Variants in DRAXIN observed in about 807,000 individuals in gnomAD.
DRAXIN encodes the protein dorsal inhibitory axon guidance protein, also known as dorsal repulsive axon guidance protein.
A neutral mutation model predicts 33.9 loss-of-function variants in DRAXIN; 27 were observed. The observed-to-expected ratio is 0.80, with a 90% confidence interval of 0.59 to 1.10. The LOEUF (loss-of-function observed/expected upper bound fraction) is 1.10. Ranked by LOEUF, DRAXIN falls within the 50% of genes least tolerant of loss-of-function variation. DRAXIN has a pLI of 0.00. For missense variants in DRAXIN, 371 were observed against 460.8 expected, an observed-to-expected ratio of 0.81 and a Z score of 1.78; for synonymous variants, 178 against 194.0, an observed-to-expected ratio of 0.92 and a Z score of 0.69.
rs776051992 is a variant in DRAXIN, at chr1:11,719,574, A to C, written c.938-10A>C. 1.9e-6 allele frequency: 3 copies of C among 1,605,180 alleles called. No individual in the cohort carries two copies. Among genetic ancestry groups the C allele is most frequent in the East Asian group, 2.2e-5 (1 of 44,482 alleles). ...CGCGCCTCTGACCCCCCTTGCCTCCACTCGCCCAGGGCTGCGCTGCTATGC... is the reference window on the plus strand; with the variant it reads ...CGCGCCTCTGACCCCCCTTGCCTCCCCTCGCCCAGGGCTGCGCTGCTATGC... On this transcript the variant is annotated splice_polypyrimidine_tract_variant and intron_variant, in intron 6 of 6. Coordinates refer to ENST00000294485, the MANE Select transcript of DRAXIN (RefSeq NM_198545.4).
chr1:11,714,675 CG>C (rs1337231202), intron 5 of DRAXIN, among the ~76,000 whole-genome samples: 16 of 152,242 alleles, frequency 1.1e-4, no homozygotes, highest in African/African-American at 3.9e-4. Context: ...AGAAAAGGCC[CG>C]CATTTGGGCC....
At chr1:11,715,823 CT>C (rs1285599841) in intron 6 of DRAXIN, among the ~76,000 whole-genome samples, 1 of 152,208 alleles carries the variant, frequency 6.6e-6, no homozygotes, top group African/African-American at 2.4e-5. Context: ...GCACAGAAAG[CT>C]TAATGATGCC....
Position 11,692,752 on chromosome 1 carries a change from T to C in DRAXIN, c.-11+899T>C. Among the ~76,000 whole-genome samples, 1 of 152,192 alleles carries C rather than the reference T, an allele frequency of 6.6e-6. No homozygotes were observed. Among genetic ancestry groups the C allele is most frequent in the East Asian group, 1.9e-4 (1 of 5,200 alleles). ...CCCAGCCCAGTGACACACTGGTGTC[T>C]GGAACCGGTTCAGTACTATGCATCT... On this transcript the variant is annotated intron_variant, in intron 1 of 6. Transcript: ENST00000294485. This position sits in a 1 kb window ranked among gnomAD's most constrained non-coding sequence, Gnocchi z 5.8.
chr1:11,709,606 C>T, intron 3 of DRAXIN, 141 bp downstream of exon 3: 1 of 1,082,906 alleles, frequency 9.2e-7, no homozygotes, highest in Non-Finnish European at 1.3e-6. Flanking sequence ...AGATCTCCTG[C>T]TGCCCATCCA....
At chr1:11,712,001 G>T (rs767679204) in intron 4 of DRAXIN, 36 bp downstream of exon 4, 1 of 1,582,858 alleles carries the variant, frequency 6.3e-7, no homozygotes, top group South Asian at 1.1e-5. Context: ...CCATGCCTGG[G>T]TGCCCTGCCC....
At chr1:11,717,627 A>G (rs1428676712) in intron 6 of DRAXIN, among the ~76,000 whole-genome samples, 2 of 141,350 alleles carry the variant, frequency 1.4e-5, no homozygotes, top group East Asian at 4.2e-4. Context: ...GTGCCTCTGC[A>G]CTCCAGCCTG....
intron 6 of DRAXIN, 35 bp from the exon 7 acceptor site, chr1:11,719,549 C>T (rs1178600165): frequency 1.3e-6 from 2 of 1,563,322 alleles, no homozygotes; most frequent in Non-Finnish European, 8.7e-7. Context: ...ACGGGCCCTT[C>T]GCGCCTCTGA....
Position 11,706,801 on chromosome 1 carries a change from T to C in DRAXIN, c.451+92T>C. ...AGGATGCAGGCAAGGGTCAGGGGCA[T>C]GAGGTCCAGAGGAGAGGAGGGGTCT... On this transcript the variant is annotated intron_variant, in intron 2 of 6. Coordinates refer to ENST00000294485, the MANE Select transcript of DRAXIN (RefSeq NM_198545.4). The surrounding 1 kb of genome is among the most constrained non-coding windows in gnomAD (Gnocchi z 5.5). 1 of 1,375,758 alleles carries C rather than the reference T, an allele frequency of 7.3e-7. No individual in the cohort carries two copies. The allele number at this position is 1,375,758 out of a possible 1,614,324, so 85.2% of individuals were successfully genotyped here.
chr1:11,690,669 C>A (rs902821327), upstream of DRAXIN, among the ~76,000 whole-genome samples: 1 of 152,180 alleles, frequency 6.6e-6, no homozygotes, highest in Non-Finnish European at 1.5e-5. The surrounding 1 kb of genome is among the most constrained non-coding windows in gnomAD (Gnocchi z 4.2). Context: ...CAGGTGGGAG[C>A]GCTGCTTCCC....
chr1:11,697,289 C>T (rs1381563505), intron 1 of DRAXIN, among the ~76,000 whole-genome samples: 1 of 152,182 alleles, frequency 6.6e-6, no homozygotes. Context: ...GCCTCTCACC[C>T]GGACTGTCTC....
chr1:11,691,852 A>G lies in DRAXIN; in HGVS notation c.-12A>G, dbSNP rs1641075482. 6.7e-6 allele frequency: 1 copy of G among 149,440 alleles called. No individual in the cohort carries two copies. Among genetic ancestry groups the G allele is most frequent in the Non-Finnish European group, 1.5e-5 (1 of 67,150 alleles). The allele number at this position is 149,440 out of a possible 1,614,324, so 9.3% of individuals were successfully genotyped here. On this transcript the variant is annotated splice_region_variant and 5_prime_UTR_variant, in exon 1 of 7. Coordinates refer to ENST00000294485, the MANE Select transcript of DRAXIN (RefSeq NM_198545.4). ...TCCTCCCCCTACCCGCCGGCCGGAC[A>G]GGTAAGGCACGGCCTCGGCCCGCCC...
chr1:11,689,790 C>G (rs1375660152), upstream of DRAXIN, among the ~76,000 whole-genome samples: 1 of 152,084 alleles, frequency 6.6e-6, no homozygotes, highest in East Asian at 1.9e-4. Flanking sequence ...TGAATTATTT[C>G]TTGTGCGAGA....
Position 11,709,472 on chromosome 1 carries a change from G to T in DRAXIN, c.642+7G>T. 1 of 1,610,612 alleles carries T rather than the reference G, an allele frequency of 6.2e-7. No individual in the cohort carries two copies. Among genetic ancestry groups the T allele is most frequent in the South Asian group, 1.1e-5 (1 of 90,436 alleles). On this transcript the variant is annotated splice_region_variant and intron_variant, in intron 3 of 6. Coordinates refer to ENST00000294485, the MANE Select transcript of DRAXIN (RefSeq NM_198545.4). Reference sequence around the variant, plus strand: ...CACCTCCCTGCGGCCCCAGGTAAGGGGTCCCCAAACAGCCTCGGATCTGGA... The same window carrying T: ...CACCTCCCTGCGGCCCCAGGTAAGGTGTCCCCAAACAGCCTCGGATCTGGA...
Position 11,709,355 on chromosome 1 carries a change from G to A in DRAXIN, c.532G>A (p.Glu178Lys), listed in dbSNP as rs755494459. Residue 178 changes from glutamate (E) to lysine (K), a missense_variant, in exon 3 of 7, where the codon GAG (glutamate) becomes AAG (lysine). Coordinates refer to ENST00000294485, the MANE Select transcript of DRAXIN (RefSeq NM_198545.4). ...SEAQVLDAAMEESSTSLAPTM... is the reference protein window; with the variant it reads ...SEAQVLDAAMKESSTSLAPTM... Reference sequence around the variant, plus strand: ...AGCCCAGGTGCTGGATGCAGCCATGGAGGAATCCTCCACCAGCCTGGCGCC... The same window carrying A: ...AGCCCAGGTGCTGGATGCAGCCATGAAGGAATCCTCCACCAGCCTGGCGCC... 5 of 1,613,914 alleles carry A rather than the reference G, an allele frequency of 3.1e-6. No individual in the cohort carries two copies. In the African/African-American group the frequency reaches 5.3e-5, roughly 17 times the overall value.
At chr1:11,709,577 GCTTA>G in intron 3 of DRAXIN, 112 bp downstream of exon 3, 1 of 1,282,856 alleles carries the variant, frequency 7.8e-7, no homozygotes, top group South Asian at 1.6e-5. Context: ...AGGCCACAGA[GCTTA>G]CTTAGATTGA....
intron 1 of DRAXIN, among the ~76,000 whole-genome samples, chr1:11,700,705 G>A (rs553979818): frequency 6.2e-4 from 95 of 152,354 alleles, no homozygotes; most frequent in African/African-American, 2.1e-3. Context: ...ATGGGCTCCG[G>A]TTCTCCCCGT....
intron 1 of DRAXIN, among the ~76,000 whole-genome samples, chr1:11,698,820 A>G (rs1224154912): frequency 6.6e-6 from 1 of 152,080 alleles, no homozygotes; most frequent in African/African-American, 2.4e-5. Flanking sequence ...TGGTACAACT[A>G]CTCCAGCCTG....
At chr1:11,703,500 G>T (rs1323692138) in intron 1 of DRAXIN, among the ~76,000 whole-genome samples, 3 of 152,224 alleles carry the variant, frequency 2.0e-5, no homozygotes, top group African/African-American at 7.2e-5. Flanking sequence ...AGTTGGAGCT[G>T]CAAAGCTTGG....
chr1:11,702,006 G>T (rs1370622715), intron 1 of DRAXIN, among the ~76,000 whole-genome samples: 2 of 151,994 alleles, frequency 1.3e-5, no homozygotes, highest in African/African-American at 4.8e-5. Context: ...TCCTCCAGCT[G>T]ACACACACTG....
Sources: allele counts gnomAD v4.1 joint callset (sites outside exome capture counted in the v4.1 genomes callset), GRCh38; gene constraint gnomAD v4.1.1; non-coding constraint Gnocchi (gnomAD v3.1); transcripts MANE v1.5; gene names NCBI Gene and HGNC (gene_info 2026-07-23, HGNC 2026-07-21).